ATF1: variants seen among roughly 807,000 people sequenced by gnomAD.
ATF1 encodes the protein activating transcription factor 1.
A neutral mutation model predicts 34.7 loss-of-function variants in ATF1; 16 were observed. The ratio of observed to expected loss-of-function variants is 0.46; its 90% CI spans 0.31 to 0.70. The LOEUF (loss-of-function observed/expected upper bound fraction) is 0.70, where lower values mean the gene tolerates loss of function less well. ATF1 is among the 30% of genes least tolerant of loss of function. The probability of loss-of-function intolerance (pLI) is 0.05; values close to 1 mark genes in which losing one functional copy is unlikely to be tolerated. For missense variants in ATF1, 255 were observed against 321.6 expected, an observed-to-expected ratio of 0.79 and a Z score of 1.58; for synonymous variants, 105 against 113.1, an observed-to-expected ratio of 0.93 and a Z score of 0.46.
In ATF1 at chr12:50,782,581, G is replaced by A. The variant is rs576498337; in HGVS notation, c.93+2343G>A. 8.2e-3 allele frequency among the ~76,000 whole-genome samples: 1,088 copies of A among 132,076 alleles called. 22 individuals are homozygous for A. Among genetic ancestry groups the A allele is most frequent in the African/African-American group, 0.029 (1,031 of 35,336 alleles). 86.6% of individuals were successfully genotyped at this position (132,076 alleles called of 152,430 possible). A position where few individuals can be genotyped will look rare whatever the true frequency, so the allele number is the denominator to read the frequency against. On this transcript the variant is annotated intron_variant, in intron 2 of 6. Coordinates refer to ENST00000262053, the MANE Select transcript of ATF1 (RefSeq NM_005171.5). ...TTTTTTTTTTTTTTTTTTTAGTAGA[G>A]ACAGAGTCTCACTATGTTGCCCAGG...
chr12:50,804,825 T>G (rs1941582955), intron 3 of ATF1, among the ~76,000 whole-genome samples: 1 of 151,840 alleles, frequency 6.6e-6, no homozygotes, highest in African/African-American at 2.4e-5. Flanking sequence ...TTTTTTTTTT[T>G]TCCCGAGACG....
At position 50,820,987 on chromosome 12, in the gene ATF1, T is replaced by TA. The variant is rs1439501294; in HGVS notation, c.*1209dup. The TA allele has an allele frequency of 5.5e-6, 1 of 180,490 alleles. No homozygotes were observed. Among genetic ancestry groups the TA allele is most frequent in the Admixed American group, 6.3e-5 (1 of 15,938 alleles). 11.2% of individuals were successfully genotyped at this position (180,490 alleles called of 1,614,324 possible). ...ATGCAGTTTATCTAAAATTCAAAAA[T>TA]ACTGTCAGTACACCAGCGTTTAACA... On this transcript the variant is annotated 3_prime_UTR_variant, in exon 7 of 7. Coordinates refer to ENST00000262053, the MANE Select transcript of ATF1 (RefSeq NM_005171.5).
chr12:50,769,813 C>T (rs1048579569), intron 1 of ATF1, among the ~76,000 whole-genome samples: 8 of 152,150 alleles, frequency 5.3e-5, no homozygotes, highest in Non-Finnish European at 1.2e-4. Context: ...GATTTATAAT[C>T]AGCTATAGAA....
intron 1 of ATF1, among the ~76,000 whole-genome samples, chr12:50,775,862 T>C (rs1382751287): frequency 1.3e-5 from 2 of 152,202 alleles, no homozygotes; most frequent in Non-Finnish European, 2.9e-5. Flanking sequence ...TCTGTTTTTA[T>C]ATTAGTCTGT....
chr12:50,770,842 G>A (rs1940751676), intron 1 of ATF1, among the ~76,000 whole-genome samples: 1 of 152,178 alleles, frequency 6.6e-6, no homozygotes, highest in South Asian at 2.1e-4. Context: ...AGAAATAAGA[G>A]GGATGGGTAA....
chr12:50,784,991 C>T (rs1941151520), intron 2 of ATF1, among the ~76,000 whole-genome samples: 1 of 151,304 alleles, frequency 6.6e-6, no homozygotes, highest in Non-Finnish European at 1.5e-5. Flanking sequence ...TGGTGTGCTG[C>T]ACCCATTAAC....
intron 1 of ATF1, among the ~76,000 whole-genome samples, chr12:50,769,921 T>A (rs1220839188): frequency 1.3e-5 from 2 of 152,264 alleles, no homozygotes; most frequent in African/African-American, 4.8e-5. Flanking sequence ...AGAGCTAGAA[T>A]GTTCATGAAT....
At chr12:50,780,807 AAAATTAGC>A (rs1391136403) in intron 2 of ATF1, among the ~76,000 whole-genome samples, 1 of 152,122 alleles carries the variant, frequency 6.6e-6, no homozygotes, top group Non-Finnish European at 1.5e-5. Context: ...ATAAAAATCA[AAAATTAGC>A]CAGGTGCAGT....
At chr12:50,808,936 C>T (rs1380516874) in intron 3 of ATF1, among the ~76,000 whole-genome samples, 1 of 150,142 alleles carries the variant, frequency 6.7e-6, no homozygotes, top group Non-Finnish European at 1.5e-5. Context: ...GACAGGGTTT[C>T]ACCATATTGG....
At chr12:50,808,549 C>G (rs1269835438) in intron 3 of ATF1, among the ~76,000 whole-genome samples, 2 of 151,028 alleles carry the variant, frequency 1.3e-5, no homozygotes, top group Non-Finnish European at 3.0e-5. Context: ...GGCTGGTCTC[C>G]AAACTCCTGA....
chr12:50,776,028 T>C (rs555245172), intron 1 of ATF1, among the ~76,000 whole-genome samples: 1 of 152,066 alleles, frequency 6.6e-6, no homozygotes, highest in Admixed American at 6.6e-5. Flanking sequence ...ATTTTAAAAA[T>C]TAGGCTGGGC....
chr12:50,806,301 C>A, intron 3 of ATF1: 1 of 382,242 alleles, frequency 2.6e-6, no homozygotes. Context: ...CACAACTTAT[C>A]CTGTTCCCAA....
intron 3 of ATF1, among the ~76,000 whole-genome samples, chr12:50,796,584 C>G (rs1941412571): frequency 6.6e-6 from 1 of 151,858 alleles, no homozygotes; most frequent in Admixed American, 6.6e-5. Context: ...ACCTGTAATC[C>G]CAGCTACTTG....
intron 3 of ATF1, 65 bp downstream of exon 3, chr12:50,796,074 G>A: frequency 7.4e-7 from 1 of 1,345,462 alleles, no homozygotes; most frequent in Non-Finnish European, 1.0e-6. Flanking sequence ...AAGAGGTGCT[G>A]TGCAAAGTAC....
intron 6 of ATF1, among the ~76,000 whole-genome samples, chr12:50,816,257 G>T (rs934283438): frequency 6.6e-6 from 1 of 151,934 alleles, no homozygotes; most frequent in Admixed American, 6.6e-5. Context: ...AGCCCAGGGG[G>T]TTGAGGCAGC....
chr12:50,800,180 T>C (rs1941485061), intron 3 of ATF1, among the ~76,000 whole-genome samples: 1 of 152,146 alleles, frequency 6.6e-6, no homozygotes, highest in African/African-American at 2.4e-5. Flanking sequence ...ACTATGGAGG[T>C]GAGAAGATAA....
intron 1 of ATF1, among the ~76,000 whole-genome samples, chr12:50,775,276 C>T (rs568713756): frequency 6.6e-6 from 1 of 151,822 alleles, no homozygotes; most frequent in Non-Finnish European, 1.5e-5. Context: ...TAATTATTGT[C>T]TAAAATGTTA....
rs200537984 is a variant in ATF1, at chr12:50,815,230, T to C, written c.671+791T>C. Among the ~76,000 whole-genome samples the C allele has an allele frequency of 2.0e-5, 3 of 152,216 alleles. No individual in the cohort carries two copies. In the East Asian group the frequency reaches 5.8e-4, roughly 29 times the overall value. On this transcript the variant is annotated intron_variant, in intron 6 of 6. Transcript: ENST00000262053. ...GGAGATAACAGCTCCCTGTGTGTTATTGCCCCTAAAGACCTTCCAGTGGGA... is the reference window on the plus strand; with the variant it reads ...GGAGATAACAGCTCCCTGTGTGTTACTGCCCCTAAAGACCTTCCAGTGGGA...
chr12:50,810,407 G>A (rs1941712384), intron 4 of ATF1, among the ~76,000 whole-genome samples: 2 of 151,176 alleles, frequency 1.3e-5, no homozygotes, highest in South Asian at 2.1e-4. Flanking sequence ...TAGTAGAGAC[G>A]GGGTTTCACC....
Sources: gnomAD v4.1 joint callset for allele counts (sites outside exome capture counted in the v4.1 genomes callset) on GRCh38, gnomAD v4.1.1 for gene constraint, MANE v1.5 for transcripts, NCBI Gene and HGNC (gene_info 2026-07-23, HGNC 2026-07-21) for gene names.